Variants in ITGA9 observed in about 807,000 individuals in gnomAD.
ITGA9 encodes the protein integrin alpha-9.
A neutral mutation model predicts 127.8 loss-of-function variants in ITGA9; 56 were observed. The ratio of observed to expected loss-of-function variants is 0.44; its 90% CI spans 0.35 to 0.55. The LOEUF (loss-of-function observed/expected upper bound fraction) is 0.55. Among genes scored for constraint, ITGA9 ranks in the 20% least tolerant of loss-of-function variants. The probability of loss-of-function intolerance (pLI) is 0.00; values close to 1 mark genes in which losing one functional copy is unlikely to be tolerated. For synonymous variants in ITGA9, 508 were observed against 514.5 expected (o/e 0.99, Z 0.17); for missense variants, 1,196 against 1,347.1 (o/e 0.89, Z 1.76).
intron 18 of ITGA9, among the ~76,000 whole-genome samples, chr3:37,716,308 C>T (rs527773338): frequency 6.6e-6 from 1 of 152,154 alleles, no homozygotes; most frequent in East Asian, 1.9e-4. Context: ...CCCGCCCATA[C>T]TCTGCTGTGA....
At chr3:37,779,260 A>G (rs1403853898) in intron 24 of ITGA9, among the ~76,000 whole-genome samples, 1 of 151,972 alleles carries the variant, frequency 6.6e-6, no homozygotes, top group Non-Finnish European at 1.5e-5. Flanking sequence ...GGCCACCACT[A>G]TGCCTGGCTA....
chr3:37,610,255 G>A (rs935929458), intron 15 of ITGA9, among the ~76,000 whole-genome samples: 1 of 152,076 alleles, frequency 6.6e-6, no homozygotes, highest in Non-Finnish European at 1.5e-5. Flanking sequence ...ACTTAATATT[G>A]TATTTACCCC....
At chr3:37,478,416 A>G (rs770090203) in intron 3 of ITGA9, among the ~76,000 whole-genome samples, 1 of 152,240 alleles carries the variant, frequency 6.6e-6, no homozygotes, top group Non-Finnish European at 1.5e-5. Context: ...CCTTTGAAAT[A>G]AAGTGTTTAT....
chr3:37,730,966 A>G (rs535586851), intron 18 of ITGA9, among the ~76,000 whole-genome samples: 1 of 152,304 alleles, frequency 6.6e-6, no homozygotes, highest in South Asian at 2.1e-4. Context: ...TTAAGATTTG[A>G]GACTTTATTC....
chr3:37,804,816 G>A (rs1697276608), intron 27 of ITGA9, among the ~76,000 whole-genome samples: 1 of 152,112 alleles, frequency 6.6e-6, no homozygotes, highest in African/African-American at 2.4e-5. Flanking sequence ...AAAATAATAT[G>A]TATGTATTGA....
chr3:37,496,317 A>G (rs1397320888), intron 5 of ITGA9, among the ~76,000 whole-genome samples: 1 of 152,168 alleles, frequency 6.6e-6, no homozygotes, highest in African/African-American at 2.4e-5. Flanking sequence ...TTTTTATGAC[A>G]GTCGACAGAG....
chr3:37,507,773 A>AT (rs962878823), intron 7 of ITGA9, among the ~76,000 whole-genome samples: 2 of 152,164 alleles, frequency 1.3e-5, no homozygotes, highest in African/African-American at 4.8e-5. Context: ...TTTGCTGGAT[A>AT]TTCTAGTGTC....
intron 18 of ITGA9, among the ~76,000 whole-genome samples, chr3:37,731,203 A>G (rs1696287108): frequency 6.6e-6 from 1 of 152,184 alleles, no homozygotes; most frequent in African/African-American, 2.4e-5. Flanking sequence ...AGTGTGGCCC[A>G]GGAATCTGCA....
intron 18 of ITGA9, among the ~76,000 whole-genome samples, chr3:37,704,921 A>G (rs955564012): frequency 3.9e-5 from 6 of 152,242 alleles, no homozygotes; most frequent in African/African-American, 1.4e-4. Flanking sequence ...AGTCAAAAGC[A>G]ATTTCTACCA....
At chr3:37,628,955 G>T (rs1700202649) in intron 15 of ITGA9, among the ~76,000 whole-genome samples, 2 of 152,178 alleles carry the variant, frequency 1.3e-5, no homozygotes, top group Non-Finnish European at 2.9e-5. Flanking sequence ...ACCATGCAAG[G>T]TAGAGAAGGA....
intron 23 of ITGA9, among the ~76,000 whole-genome samples, chr3:37,756,934 G>T (rs1237358891): frequency 6.7e-6 from 1 of 149,130 alleles, no homozygotes; most frequent in Admixed American, 6.6e-5. Context: ...AGAAAAAAAA[G>T]AAATCAAAGT....
At position 37,721,114 on chromosome 3, in the gene ITGA9, C is replaced by CTT. The variant is rs35254377; in HGVS notation, c.2068-11574_2068-11573dup. ...ACTTCAATCAAATTTCTTTTCTTGC[C>CTT]TTTTTTTTTTTTTTTTTTTTTTTTT... On this transcript the variant is annotated intron_variant, in intron 18 of 27. Coordinates refer to ENST00000264741, the MANE Select transcript of ITGA9 (RefSeq NM_002207.3). Among the ~76,000 whole-genome samples the CTT allele has an allele frequency of 4.0e-3, 371 of 93,220 alleles. 3 individuals carry two copies. Among genetic ancestry groups the CTT allele is most frequent in the African/African-American group, 0.016 (327 of 21,064 alleles). 61.2% of individuals were successfully genotyped at this position (93,220 alleles called of 152,430 possible). A position where few individuals can be genotyped will look rare whatever the true frequency, so the allele number is the denominator to read the frequency against.
At chr3:37,719,336 A>G (rs1575207277) in intron 18 of ITGA9, among the ~76,000 whole-genome samples, 2 of 152,252 alleles carry the variant, frequency 1.3e-5, no homozygotes, top group African/African-American at 4.8e-5. Flanking sequence ...CCCCTGAGAC[A>G]GGGCTCCATG....
intron 19 of ITGA9, among the ~76,000 whole-genome samples, chr3:37,736,642 C>T (rs981553411): frequency 7.9e-5 from 12 of 152,038 alleles, no homozygotes; most frequent in Admixed American, 1.3e-4. Context: ...TAGAAAGTCC[C>T]GGTTAAAGAG....
At chr3:37,690,701 C>A (rs181203301) in intron 18 of ITGA9, among the ~76,000 whole-genome samples, 1 of 152,162 alleles carries the variant, frequency 6.6e-6, no homozygotes, top group Non-Finnish European at 1.5e-5. Context: ...GAAGGGAGAA[C>A]AAGCAGGGCA....
At chr3:37,748,746 T>TA in intron 22 of ITGA9, 1 of 547,288 alleles carries the variant, frequency 1.8e-6, no homozygotes, top group Non-Finnish European at 3.2e-6. Context: ...AGACTCTGTC[T>TA]TAAAAAAAAA....
intron 26 of ITGA9, among the ~76,000 whole-genome samples, chr3:37,796,288 T>G (rs1697172779): frequency 6.6e-6 from 1 of 152,176 alleles, no homozygotes; most frequent in Non-Finnish European, 1.5e-5. Flanking sequence ...TCTTTTATCA[T>G]CATGAACTTC....
chr3:37,481,758 T>A (rs1698558353), intron 4 of ITGA9, 151 bp downstream of exon 4: 7 of 1,107,852 alleles, frequency 6.3e-6, no homozygotes, highest in Non-Finnish European at 8.1e-6. Context: ...GGTCTCTTGG[T>A]CCCCAAGGCC....
At chr3:37,516,530 TC>T (rs920773160) in intron 9 of ITGA9, among the ~76,000 whole-genome samples, 3 of 152,310 alleles carry the variant, frequency 2.0e-5, no homozygotes, top group Admixed American at 2.0e-4. Flanking sequence ...TTGCTGGTGT[TC>T]CTCTCCTCTT....
Sources: allele counts gnomAD v4.1 joint callset (sites outside exome capture counted in the v4.1 genomes callset), GRCh38; gene constraint gnomAD v4.1.1; transcripts MANE v1.5; gene names NCBI Gene and HGNC (gene_info 2026-07-23, HGNC 2026-07-21).